Variants in KCNJ12 observed in about 807,000 individuals in gnomAD.
The protein encoded by KCNJ12 is potassium inwardly rectifying channel subfamily J member 12.
In KCNJ12, 2 loss-of-function variants were observed where a neutral mutation model predicts 22.3. The observed-to-expected ratio is 0.09, with a 90% CI of 0.04 to 0.28. KCNJ12 has a LOEUF of 0.28. Among genes scored for constraint, KCNJ12 ranks in the 10% least tolerant of loss-of-function variants. The pLI is 1.00. For missense variants in KCNJ12, 155 were observed against 633.3 expected, an observed-to-expected ratio of 0.24 and a Z score of 8.11; for synonymous variants, 117 against 261.4, an observed-to-expected ratio of 0.45 and a Z score of 5.33.
chr17:21,415,337 C>T lies in KCNJ12; in HGVS notation c.-6C>T, dbSNP rs782535976. On this transcript the variant is annotated 5_prime_UTR_variant, in exon 3 of 3. Transcript: ENST00000583088. Reference sequence around the variant, plus strand: ...GGGGGCGAGCCAGGGTCCCCCAACCCCCGGGATGACCGCGGCCAGCCGGGC... The same window carrying T: ...GGGGGCGAGCCAGGGTCCCCCAACCTCCGGGATGACCGCGGCCAGCCGGGC... 1 of 1,604,580 alleles carries T rather than the reference C, an allele frequency of 6.2e-7. No homozygotes were observed.
chr17:21,404,747 A>T (rs1209295492), intron 1 of KCNJ12, among the ~76,000 whole-genome samples: 17 of 152,316 alleles, frequency 1.1e-4, no homozygotes, highest in Admixed American at 5.9e-4. Context: ...GGGGCCAAGG[A>T]CACCCTCTCT....
chr17:21,406,952 A>AG (rs1322396704), intron 1 of KCNJ12, among the ~76,000 whole-genome samples: 1 of 152,294 alleles, frequency 6.6e-6, no homozygotes, highest in African/African-American at 2.4e-5. Flanking sequence ...ATAGGAAGGC[A>AG]GGGGGATCCC....
intron 1 of KCNJ12, among the ~76,000 whole-genome samples, chr17:21,395,217 C>T (rs563040529): frequency 1.3e-5 from 2 of 151,248 alleles, no homozygotes; most frequent in Non-Finnish European, 2.9e-5. Flanking sequence ...ATCACCTGAG[C>T]CCAGGAGTTC....
chr17:21,383,602 T>C lies in KCNJ12; in HGVS notation c.-179+6689T>C, dbSNP rs371208047. ...GGCCTGGGAGGGGCAAACTCAGGGG[T>C]CACAGCCACCTGTTTGGCCCTGGGG... On this transcript the variant is annotated intron_variant, in intron 1 of 2. Transcript: ENST00000583088. 9.9e-5 allele frequency among the ~76,000 whole-genome samples: 15 copies of C among 152,222 alleles called. No individual in the cohort carries two copies. In the East Asian group the frequency reaches 1.4e-3, roughly 14 times the overall value.
intron 1 of KCNJ12, among the ~76,000 whole-genome samples, chr17:21,383,128 A>G (rs1199288478): frequency 6.6e-6 from 1 of 152,148 alleles, no homozygotes; most frequent in Non-Finnish European, 1.5e-5. Flanking sequence ...AGAGAGGATG[A>G]AAGGCCGGGG....
intron 1 of KCNJ12, among the ~76,000 whole-genome samples, chr17:21,404,507 G>A (rs1348859545): frequency 2.0e-5 from 3 of 152,236 alleles, no homozygotes; most frequent in Admixed American, 6.5e-5. Context: ...TCAAGTCCTC[G>A]GTGCCCAGTG....
At chr17:21,406,905 C>T (rs1162160947) in intron 1 of KCNJ12, among the ~76,000 whole-genome samples, 1 of 152,292 alleles carries the variant, frequency 6.6e-6, no homozygotes, top group Non-Finnish European at 1.5e-5. Context: ...AGAGCCCCTT[C>T]CCACCAACCT....
intron 1 of KCNJ12, among the ~76,000 whole-genome samples, chr17:21,378,722 C>T (rs1393817473): frequency 1.3e-5 from 2 of 151,956 alleles, no homozygotes; most frequent in Non-Finnish European, 2.9e-5. Flanking sequence ...CCTCCTTTTT[C>T]CCCTCCCAGG....
At chr17:21,412,757 G>T (rs1315981338) in intron 2 of KCNJ12, among the ~76,000 whole-genome samples, 1 of 152,308 alleles carries the variant, frequency 6.6e-6, no homozygotes, top group African/African-American at 2.4e-5. Context: ...GGGGGAGGAC[G>T]GCAGAGTAAG....
At chr17:21,381,364 A>G (rs1363297071) in intron 1 of KCNJ12, among the ~76,000 whole-genome samples, 1 of 151,998 alleles carries the variant, frequency 6.6e-6, no homozygotes, top group Non-Finnish European at 1.5e-5. Flanking sequence ...AGCACTTTCT[A>G]TGTGCCTGGT....
At chr17:21,393,497 C>A (rs1195232301) in intron 1 of KCNJ12, among the ~76,000 whole-genome samples, 1 of 152,176 alleles carries the variant, frequency 6.6e-6, no homozygotes. Flanking sequence ...ACGAAGCCAG[C>A]ACTGCCTGCT....
At chr17:21,391,825 C>T (rs1216885486) in intron 1 of KCNJ12, among the ~76,000 whole-genome samples, 3 of 152,210 alleles carry the variant, frequency 2.0e-5, no homozygotes, top group Non-Finnish European at 2.9e-5. Context: ...CCAGTCTCCT[C>T]GTCACTAGAA....
chr17:21,382,452 C>T (rs782537485), intron 1 of KCNJ12, among the ~76,000 whole-genome samples: 7 of 152,136 alleles, frequency 4.6e-5, no homozygotes, highest in Non-Finnish European at 8.8e-5. Context: ...TCCCCACGGT[C>T]ATTGAGTTTC....
intron 2 of KCNJ12, among the ~76,000 whole-genome samples, chr17:21,410,920 GT>G (rs1906297787): frequency 6.6e-6 from 1 of 152,308 alleles, no homozygotes; most frequent in African/African-American, 2.4e-5. Context: ...CACGTGGCAG[GT>G]AGTAAGCACT....
At chr17:21,386,335 CCT>C (rs1555558627) in intron 1 of KCNJ12, among the ~76,000 whole-genome samples, 1 of 152,020 alleles carries the variant, frequency 6.6e-6, no homozygotes, top group African/African-American at 2.4e-5. Flanking sequence ...CTCTCCCTCT[CCT>C]CTCTCTCACT....
chr17:21,397,498 G>A (rs1057240324), intron 1 of KCNJ12, among the ~76,000 whole-genome samples: 15 of 152,244 alleles, frequency 9.9e-5, no homozygotes, highest in African/African-American at 2.2e-4. Context: ...CTAGGGAAGC[G>A]TCTGTGGGTC....
chr17:21,383,287 G>T (rs186546220), intron 1 of KCNJ12, among the ~76,000 whole-genome samples: 1 of 152,218 alleles, frequency 6.6e-6, no homozygotes, highest in African/African-American at 2.4e-5. Context: ...ATAAATCGCT[G>T]CCAGCAGCTG....
intron 1 of KCNJ12, among the ~76,000 whole-genome samples, chr17:21,389,053 C>T (rs570285735): frequency 5.9e-5 from 9 of 152,330 alleles, no homozygotes; most frequent in African/African-American, 2.2e-4. Flanking sequence ...AACCTCATTT[C>T]CCTACTGTGA....
At chr17:21,386,796 G>A (rs550830773) in intron 1 of KCNJ12, among the ~76,000 whole-genome samples, 6 of 152,282 alleles carry the variant, frequency 3.9e-5, no homozygotes, top group Admixed American at 3.3e-4. Context: ...GTGAATCACC[G>A]CGCCAGGACC....
Sources: allele counts gnomAD v4.1 joint callset (sites outside exome capture counted in the v4.1 genomes callset), GRCh38; gene constraint gnomAD v4.1.1; transcripts MANE v1.5; gene names NCBI Gene and HGNC (gene_info 2026-07-23, HGNC 2026-07-21).